Variants in BMAL2 observed in about 807,000 individuals in gnomAD.
The protein encoded by BMAL2 is basic helix-loop-helix ARNT-like protein 2.
chr12:27,401,311 T>C, the BMAL2 span: 3 of 1,614,168 alleles, frequency 1.9e-6, no homozygotes, highest in Non-Finnish European at 2.5e-6. Flanking sequence ...CTTCTTGTTA[T>C]GAATATTTTC....
the BMAL2 span, among the ~76,000 whole-genome samples, chr12:27,370,674 C>T: frequency 2.6e-5 from 4 of 152,128 alleles, no homozygotes; most frequent in East Asian, 1.9e-4. Flanking sequence ...GGCGCAATCT[C>T]GGCTCACTGC....
chr12:27,384,372 TTTTATAC>T, the BMAL2 span, among the ~76,000 whole-genome samples: 1 of 152,212 alleles, frequency 6.6e-6, no homozygotes, highest in Non-Finnish European at 1.5e-5. Context: ...TTCATTTATA[TTTTATAC>T]ATTTTTAAAA....
the BMAL2 span, chr12:27,390,062 T>G: frequency 3.4e-5 from 54 of 1,602,280 alleles, no homozygotes; most frequent in Middle Eastern, 6.6e-4. Flanking sequence ...AATATTCTTT[T>G]CCACCTATTC....
the BMAL2 span, among the ~76,000 whole-genome samples, chr12:27,391,166 T>TAGTTTTTCAACC: frequency 6.6e-6 from 1 of 152,198 alleles, no homozygotes; most frequent in East Asian, 1.9e-4. Context: ...ACCCAGTAGA[T>TAGTTTTTCAACC]AGTTTTTCAA....
chr12:27,355,189 T>A, the BMAL2 span, among the ~76,000 whole-genome samples: 1 of 152,214 alleles, frequency 6.6e-6, no homozygotes, highest in Non-Finnish European at 1.5e-5. Context: ...AATCTTCTGC[T>A]GACCTTCAGG....
chr12:27,396,662 C>T, the BMAL2 span, among the ~76,000 whole-genome samples: 2 of 152,212 alleles, frequency 1.3e-5, no homozygotes, highest in Non-Finnish European at 2.9e-5. Context: ...CCAAGCTGGG[C>T]CACACAGATG....
the BMAL2 span, among the ~76,000 whole-genome samples, chr12:27,389,506 T>G: frequency 2.0e-5 from 3 of 152,182 alleles, no homozygotes; most frequent in African/African-American, 7.2e-5. Context: ...TTCATTGATA[T>G]GAAGATGCTT....
At chr12:27,402,765 A>G in the BMAL2 span, 10 of 1,231,222 alleles carry the variant, frequency 8.1e-6, no homozygotes, top group Non-Finnish European at 1.0e-5. Flanking sequence ...GAGAGGGGAA[A>G]ATTTGAAGGT....
At chr12:27,393,897 G>GA in the BMAL2 span, among the ~76,000 whole-genome samples, 1 of 152,168 alleles carries the variant, frequency 6.6e-6, no homozygotes, top group African/African-American at 2.4e-5. Flanking sequence ...CATCTTTGCT[G>GA]AATTAATAAT....
chr12:27,348,154 C>T, the BMAL2 span, among the ~76,000 whole-genome samples: 3 of 152,226 alleles, frequency 2.0e-5, no homozygotes, highest in East Asian at 1.9e-4. Flanking sequence ...CCATTCTAAC[C>T]ATTCATATCT....
At chr12:27,337,623 T>C in the BMAL2 span, among the ~76,000 whole-genome samples, 3 of 152,104 alleles carry the variant, frequency 2.0e-5, no homozygotes, top group African/African-American at 7.2e-5. Flanking sequence ...TTTTTGTATG[T>C]GTGGAGGAGG....
chr12:27,349,252 G>A, the BMAL2 span, among the ~76,000 whole-genome samples: 5 of 152,166 alleles, frequency 3.3e-5, no homozygotes, highest in Non-Finnish European at 5.9e-5. Flanking sequence ...TGGGTTTAAA[G>A]CAATAGAACA....
the BMAL2 span, among the ~76,000 whole-genome samples, chr12:27,347,618 T>A: frequency 3.7e-4 from 56 of 152,062 alleles, 1 homozygote; most frequent in Middle Eastern, 6.8e-3. Context: ...TAGCTTTTTT[T>A]TAAAAAAAAT....
the BMAL2 span, among the ~76,000 whole-genome samples, chr12:27,346,794 T>C: frequency 6.6e-6 from 1 of 152,222 alleles, no homozygotes; most frequent in African/African-American, 2.4e-5. Flanking sequence ...CCAAACCTCA[T>C]GTTGAAGTTT....
chr12:27,337,800 G>A, the BMAL2 span, among the ~76,000 whole-genome samples: 1 of 152,180 alleles, frequency 6.6e-6, no homozygotes, highest in Non-Finnish European at 1.5e-5. Context: ...AACTTGGAAG[G>A]TTGTTTTGGG....
the BMAL2 span, chr12:27,423,522 G>T: frequency 6.6e-6 from 1 of 151,692 alleles, no homozygotes; most frequent in Admixed American, 6.6e-5. Flanking sequence ...GTAGAGACGG[G>T]GTTTCACCAT....
chr12:27,372,775 G>A, the BMAL2 span, among the ~76,000 whole-genome samples: 8 of 152,202 alleles, frequency 5.3e-5, no homozygotes, highest in South Asian at 4.1e-4. Flanking sequence ...CTGAGTTCAC[G>A]CCATTCTCCT....
chr12:27,343,538 A>G, the BMAL2 span, among the ~76,000 whole-genome samples: 1 of 152,224 alleles, frequency 6.6e-6, no homozygotes, highest in East Asian at 1.9e-4. Flanking sequence ...CAGGAATTAT[A>G]TTTTGTTGAG....
At chr12:27,412,665 A>G in the BMAL2 span, among the ~76,000 whole-genome samples, 1 of 151,890 alleles carries the variant, frequency 6.6e-6, no homozygotes, top group South Asian at 2.1e-4. Flanking sequence ...AGGATAGAGA[A>G]AGTCAGAGGC....
Sources: allele counts gnomAD v4.1 joint callset (sites outside exome capture counted in the v4.1 genomes callset), GRCh38; gene constraint gnomAD v4.1.1; transcripts MANE v1.5; gene names NCBI Gene and HGNC (gene_info 2026-07-23, HGNC 2026-07-21).